Variants in GARIN1A observed in about 807,000 individuals in gnomAD.
GARIN1A encodes the protein golgi associated RAB2 interactor 1A.
the GARIN1A span, among the ~76,000 whole-genome samples, chr7:128,700,170 C>T: frequency 9.9e-5 from 15 of 152,020 alleles, no homozygotes; most frequent in Non-Finnish European, 1.9e-4. Flanking sequence ...AGGCTATTTT[C>T]CTCTTGACTA....
chr7:128,704,520 G>T, the GARIN1A span, among the ~76,000 whole-genome samples: 174 of 152,076 alleles, frequency 1.1e-3, no homozygotes, highest in Non-Finnish European at 1.5e-3. Flanking sequence ...GGCCAGGCTG[G>T]TCTCAAACTC....
the GARIN1A span, among the ~76,000 whole-genome samples, chr7:128,676,808 A>G: frequency 1.3e-5 from 2 of 152,042 alleles, no homozygotes; most frequent in Non-Finnish European, 2.9e-5. Context: ...CACACTTAAT[A>G]AGATCTAAAC....
the GARIN1A span, among the ~76,000 whole-genome samples, chr7:128,674,290 T>A: frequency 3.5e-4 from 53 of 152,144 alleles, no homozygotes; most frequent in Middle Eastern, 3.4e-3. Flanking sequence ...TTTGATTTTT[T>A]AAAAAAAAAT....
the GARIN1A span, among the ~76,000 whole-genome samples, chr7:128,703,790 G>A: frequency 6.8e-6 from 1 of 147,372 alleles, no homozygotes; most frequent in African/African-American, 2.5e-5. Context: ...AAAAAAAAAA[G>A]AAAAAGAAAG....
At chr7:128,677,558 G>A in the GARIN1A span, 2 of 1,520,236 alleles carry the variant, frequency 1.3e-6, no homozygotes, top group Non-Finnish European at 9.0e-7. Context: ...TCCTGATTAT[G>A]TCCAGGCTTC....
the GARIN1A span, among the ~76,000 whole-genome samples, chr7:128,708,141 T>C: frequency 4.6e-5 from 7 of 151,636 alleles, no homozygotes; most frequent in African/African-American, 1.5e-4. Flanking sequence ...GCCTCTCAGG[T>C]AGCTGGGGCT....
the GARIN1A span, among the ~76,000 whole-genome samples, chr7:128,673,915 G>C: frequency 6.6e-6 from 1 of 152,026 alleles, no homozygotes; most frequent in African/African-American, 2.4e-5. Flanking sequence ...CTTAATGTGT[G>C]CTTTTTTTTT....
At chr7:128,677,504 CAAAAAAA>C in the GARIN1A span, 6 of 1,272,878 alleles carry the variant, frequency 4.7e-6, no homozygotes, top group Non-Finnish European at 6.0e-6. Flanking sequence ...GACTCCGTCT[CAAAAAAA>C]AAAAAAAAAG....
At chr7:128,673,013 G>A in the GARIN1A span, among the ~76,000 whole-genome samples, 2 of 152,330 alleles carry the variant, frequency 1.3e-5, no homozygotes, top group African/African-American at 4.8e-5. Context: ...AAAGGATGGT[G>A]GTGACATGAC....
the GARIN1A span, chr7:128,675,967 A>G: frequency 1.4e-6 from 1 of 734,008 alleles, no homozygotes; most frequent in South Asian, 1.7e-5. Context: ...TTTAGTGCAT[A>G]AACCCTGTAG....
the GARIN1A span, among the ~76,000 whole-genome samples, chr7:128,681,049 T>C: frequency 6.6e-6 from 1 of 152,256 alleles, no homozygotes; most frequent in Non-Finnish European, 1.5e-5. Context: ...AAATGCAAAT[T>C]TATTTTGTCT....
chr7:128,681,452 C>CCTCCG, the GARIN1A span, among the ~76,000 whole-genome samples: 3 of 109,734 alleles, frequency 2.7e-5, no homozygotes, highest in South Asian at 8.0e-4. Flanking sequence ...CCTCCTCTCC[C>CCTCCG]CTCCCCTCCC....
the GARIN1A span, chr7:128,687,992 C>T: frequency 6.6e-6 from 1 of 151,808 alleles, no homozygotes; most frequent in Non-Finnish European, 1.5e-5. Context: ...CTAGATTCTT[C>T]TCGGACACTG....
chr7:128,699,867 T>C, the GARIN1A span, among the ~76,000 whole-genome samples: 1 of 152,250 alleles, frequency 6.6e-6, no homozygotes, highest in Non-Finnish European at 1.5e-5. Flanking sequence ...TCAATTTCGC[T>C]TTATATAGCT....
chr7:128,672,635 T>C, the GARIN1A span: 1 of 204,554 alleles, frequency 4.9e-6, no homozygotes, highest in Non-Finnish European at 8.4e-6. Context: ...TGTGGCCTTT[T>C]AAAGCCCTGG....
the GARIN1A span, among the ~76,000 whole-genome samples, chr7:128,700,191 G>A: frequency 6.6e-6 from 1 of 151,512 alleles, no homozygotes; most frequent in Non-Finnish European, 1.5e-5. Flanking sequence ...ATTAGCATGT[G>A]AATTGTAGTT....
the GARIN1A span, among the ~76,000 whole-genome samples, chr7:128,707,991 C>A: frequency 3.5e-5 from 5 of 142,818 alleles, no homozygotes; most frequent in African/African-American, 1.3e-4. Flanking sequence ...TCTCTTTCTC[C>A]TTCCTTTCTC....
the GARIN1A span, chr7:128,677,768 T>G: frequency 6.2e-7 from 1 of 1,613,820 alleles, no homozygotes. Context: ...TCAAATTCAC[T>G]CACTGCCTGG....
the GARIN1A span, among the ~76,000 whole-genome samples, chr7:128,688,450 G>A: frequency 2.0e-5 from 3 of 152,176 alleles, no homozygotes; most frequent in Admixed American, 2.0e-4. Flanking sequence ...AAGAAATACA[G>A]GTGGAAGTTT....
Sources: gnomAD v4.1 joint callset for allele counts (sites outside exome capture counted in the v4.1 genomes callset) on GRCh38, gnomAD v4.1.1 for gene constraint, MANE v1.5 for transcripts, NCBI Gene and HGNC (gene_info 2026-07-23, HGNC 2026-07-21) for gene names.